DYM: variants seen among roughly 807,000 people sequenced by gnomAD.
DYM encodes the protein dyggve-Melchior-Clausen syndrome protein.
DYM carries 78 observed loss-of-function variants against 93.1 expected under a neutral mutation model. The observed-to-expected ratio is 0.84, with a 90% confidence interval of 0.70 to 1.01. DYM has a LOEUF of 1.01. Among genes scored for constraint, DYM ranks in the 50% least tolerant of loss-of-function variants. The pLI is 0.00. For missense variants in DYM, 789 were observed against 845.0 expected (o/e 0.93, Z 0.82); for synonymous variants, 321 against 319.7 (o/e 1.00, Z -0.04).
chr18:49,212,152 ATAAAAG>A (rs1826418331), intron 13 of DYM, among the ~76,000 whole-genome samples: 1 of 151,882 alleles, frequency 6.6e-6, no homozygotes, highest in South Asian at 2.1e-4. Flanking sequence ...TTTAAAGGCC[ATAAAAG>A]ACAAAGAAAG....
intron 1 of DYM, among the ~76,000 whole-genome samples, chr18:49,431,314 C>T (rs1659499227): frequency 6.6e-6 from 1 of 152,196 alleles, no homozygotes; most frequent in Non-Finnish European, 1.5e-5. Context: ...CTAAACCATG[C>T]ACATTTTTAC....
chr18:49,304,175 C>T (rs933760092), intron 8 of DYM, among the ~76,000 whole-genome samples: 1 of 152,222 alleles, frequency 6.6e-6, no homozygotes, highest in African/African-American at 2.4e-5. Flanking sequence ...TACAGAGATG[C>T]ATGGACTGTT....
At chr18:49,076,893 G>T (rs1047283179) in intron 17 of DYM, among the ~76,000 whole-genome samples, 1 of 152,108 alleles carries the variant, frequency 6.6e-6, no homozygotes, top group Non-Finnish European at 1.5e-5. Flanking sequence ...AGCTTAACTC[G>T]TATATAGTTC....
At chr18:49,347,887 T>C (rs1031796866) in intron 6 of DYM, among the ~76,000 whole-genome samples, 1 of 152,188 alleles carries the variant, frequency 6.6e-6, no homozygotes, top group Non-Finnish European at 1.5e-5. Flanking sequence ...AGATTTTCAT[T>C]ACACAATCAC....
chr18:49,046,546 AACACACACAG>A (rs113396005), intron 17 of DYM, among the ~76,000 whole-genome samples: 3,788 of 151,648 alleles, frequency 0.025, 50 homozygotes, highest in South Asian at 0.067. Flanking sequence ...ACACAGACAC[AACACACACAG>A]ACACACACAG....
At chr18:49,399,645 A>G (rs1170992773) in intron 2 of DYM, among the ~76,000 whole-genome samples, 4 of 152,086 alleles carry the variant, frequency 2.6e-5, no homozygotes, top group Non-Finnish European at 4.4e-5. Context: ...CCAACACCCA[A>G]CAGCTCTCAA....
At chr18:49,301,075 TGAAA>T (rs1253255881) in intron 8 of DYM, among the ~76,000 whole-genome samples, 2 of 152,122 alleles carry the variant, frequency 1.3e-5, no homozygotes, top group Non-Finnish European at 2.9e-5. Flanking sequence ...CTAAAATCTT[TGAAA>T]GAAAGGGACA....
intron 15 of DYM, among the ~76,000 whole-genome samples, chr18:49,147,443 C>T (rs1331456533): frequency 1.3e-5 from 2 of 152,120 alleles, no homozygotes; most frequent in Non-Finnish European, 2.9e-5. Flanking sequence ...TTGCAGTCTA[C>T]TCATCTGACA....
chr18:49,379,733 A>G lies in DYM; in HGVS notation c.219T>C (p.Asn73=). 3 of 1,613,368 alleles carry G rather than the reference A, an allele frequency of 1.9e-6. No homozygotes were observed. The highest frequency in any genetic ancestry group is 2.5e-6 in the Non-Finnish European group (3 of 1,179,514). ...SLVENNPRTG[N]LGALIKVFLS... ...GGAAGACCTTAATTAGTGCACCAAG[A>G]TTTCCTGTTCGAGGATTGTTTTCAA... The change falls in exon 4 of 18, where the codon AAT becomes AAC. Residue 73 remains asparagine, a synonymous_variant. Transcript: ENST00000675505.
At chr18:49,063,478 T>TG (rs2076150598) in intron 17 of DYM, among the ~76,000 whole-genome samples, 1 of 152,012 alleles carries the variant, frequency 6.6e-6, no homozygotes, top group East Asian at 1.9e-4. Flanking sequence ...CAGTCACTGT[T>TG]GGGGGGACCA....
At chr18:49,247,014 C>G (rs1598883529) in intron 13 of DYM, among the ~76,000 whole-genome samples, 1 of 152,318 alleles carries the variant, frequency 6.6e-6, no homozygotes, top group South Asian at 2.1e-4. Flanking sequence ...CGGGCTATCT[C>G]TGCGTGGATG....
At chr18:49,376,244 A>G (rs2067498079) in intron 5 of DYM, among the ~76,000 whole-genome samples, 1 of 152,176 alleles carries the variant, frequency 6.6e-6, no homozygotes, top group African/African-American at 2.4e-5. Flanking sequence ...CTTCCCTGCA[A>G]CCAGCCAACT....
Position 49,294,951 on chromosome 18 carries a change from G to C in DYM, c.764-8335C>G, listed in dbSNP as rs2060427165. ...AGAGATGTATAAAAATTCTGCTAGA[G>C]ATGTTCAGTCAACATCTATAAAAGG... On this transcript the variant is annotated intron_variant, in intron 8 of 17. Coordinates refer to ENST00000675505, the MANE Select transcript of DYM (RefSeq NM_001353214.3). Among the ~76,000 whole-genome samples, 3 of 152,294 alleles carry C rather than the reference G, an allele frequency of 2.0e-5. No homozygotes were observed. The South Asian group carries it at 6.2e-4, about 32-fold the overall frequency.
At chr18:49,114,803 T>C (rs2081777558) in intron 16 of DYM, among the ~76,000 whole-genome samples, 1 of 152,126 alleles carries the variant, frequency 6.6e-6, no homozygotes, top group Non-Finnish European at 1.5e-5. Flanking sequence ...TTTTTAAGGA[T>C]ATCAATTGCC....
At chr18:49,425,539 C>T (rs1257730822) in intron 2 of DYM, among the ~76,000 whole-genome samples, 1 of 152,032 alleles carries the variant, frequency 6.6e-6, no homozygotes, top group African/African-American at 2.4e-5. Flanking sequence ...CCAAAATTGA[C>T]AAATGGGATC....
At chr18:49,429,861 G>A (rs1430270724) in intron 2 of DYM, among the ~76,000 whole-genome samples, 2 of 152,106 alleles carry the variant, frequency 1.3e-5, no homozygotes, top group Non-Finnish European at 2.9e-5. Flanking sequence ...GAATAAGGAA[G>A]TTGCAAATGT....
chr18:49,412,236 T>TAAA (rs67065136), intron 2 of DYM, among the ~76,000 whole-genome samples: 39,866 of 134,180 alleles, frequency 0.3, 7,170 homozygotes, highest in Middle Eastern at 0.43. Context: ...AACATTGACT[T>TAAA]AAAAAAAAAA....
intron 15 of DYM, among the ~76,000 whole-genome samples, chr18:49,156,065 G>A (rs1340841526): frequency 6.6e-6 from 1 of 152,068 alleles, no homozygotes; most frequent in East Asian, 1.9e-4. Flanking sequence ...GTTATTATCT[G>A]CCTTTTTATT....
chr18:49,071,021 T>A (rs1222340766), intron 17 of DYM, among the ~76,000 whole-genome samples: 1 of 152,206 alleles, frequency 6.6e-6, no homozygotes, highest in Non-Finnish European at 1.5e-5. Context: ...GCAGACCATT[T>A]ATAAAGGACA....
Sources: gnomAD v4.1 joint callset for allele counts (sites outside exome capture counted in the v4.1 genomes callset) on GRCh38, gnomAD v4.1.1 for gene constraint, MANE v1.5 for transcripts, NCBI Gene and HGNC (gene_info 2026-07-23, HGNC 2026-07-21) for gene names.